RAPGEF6: variants seen among roughly 807,000 people sequenced by gnomAD.
RAPGEF6 encodes the protein PDZ domain containing guanine nucleotide exchange factor (GEF) 2.
In RAPGEF6, 56 loss-of-function variants were observed where a neutral mutation model predicts 171.4. The observed-to-expected ratio is 0.33, with a 90% CI of 0.26 to 0.41. The LOEUF (loss-of-function observed/expected upper bound fraction) is 0.41, where lower values mean the gene tolerates loss of function less well. Among genes scored for constraint, RAPGEF6 ranks in the 10% least tolerant of loss-of-function variants. The pLI is 1.00. For synonymous variants in RAPGEF6, 692 were observed against 650.1 expected, an observed-to-expected ratio of 1.06 and a Z score of -0.98; for missense variants, 1,674 against 1,921.4, an observed-to-expected ratio of 0.87 and a Z score of 2.41.
intron 7 of RAPGEF6, among the ~76,000 whole-genome samples, chr5:131,518,910 T>C (rs1194607567): frequency 6.6e-6 from 1 of 152,326 alleles, no homozygotes; most frequent in African/African-American, 2.4e-5. Flanking sequence ...AATTTATAAG[T>C]TTCATTGCAT....
intron 1 of RAPGEF6, among the ~76,000 whole-genome samples, chr5:131,609,674 G>A (rs559095404): frequency 6.6e-6 from 1 of 152,182 alleles, no homozygotes; most frequent in Admixed American, 6.5e-5. Context: ...CCAACCGTAT[G>A]AGTTCCTGAT....
intron 17 of RAPGEF6, among the ~76,000 whole-genome samples, chr5:131,464,957 G>A (rs1210723658): frequency 2.0e-5 from 3 of 151,976 alleles, no homozygotes; most frequent in Non-Finnish European, 4.4e-5. Flanking sequence ...CATTTCATAA[G>A]CCCTATTCTT....
At chr5:131,545,508 C>T (rs1241391125) in intron 6 of RAPGEF6, among the ~76,000 whole-genome samples, 1 of 152,052 alleles carries the variant, frequency 6.6e-6, no homozygotes, top group Non-Finnish European at 1.5e-5. Flanking sequence ...GAACAAAAGA[C>T]ATAAAGAACC....
intron 5 of RAPGEF6, 115 bp from the exon 6 acceptor site, chr5:131,548,305 C>T: frequency 9.6e-7 from 1 of 1,041,800 alleles, no homozygotes; most frequent in Non-Finnish European, 1.4e-6. Context: ...CAAGAAACTG[C>T]CTCAAGAAAA....
At chr5:131,573,326 T>C (rs1000244514) in intron 4 of RAPGEF6, among the ~76,000 whole-genome samples, 1 of 152,158 alleles carries the variant, frequency 6.6e-6, no homozygotes, top group Non-Finnish European at 1.5e-5. Context: ...GAAGGCATAG[T>C]CAGGGTACGT....
chr5:131,551,926 G>A (rs1034178558), intron 5 of RAPGEF6, among the ~76,000 whole-genome samples: 7 of 151,934 alleles, frequency 4.6e-5, no homozygotes, highest in Admixed American at 1.3e-4. Context: ...TAAAAACAAT[G>A]TAAGATTTAA....
chr5:131,608,637 A>G (rs1253674389), intron 1 of RAPGEF6, among the ~76,000 whole-genome samples: 1 of 152,220 alleles, frequency 6.6e-6, no homozygotes, highest in African/African-American at 2.4e-5. Flanking sequence ...GGTAGGACCT[A>G]GCAAGAGCTG....
chr5:131,433,841 C>T (rs1751862823), intron 24 of RAPGEF6, among the ~76,000 whole-genome samples, 183 bp from the exon 25 acceptor site: 2 of 152,010 alleles, frequency 1.3e-5, no homozygotes, highest in Non-Finnish European at 2.9e-5. Context: ...CCTACATAAC[C>T]ATTTGCCTAC....
chr5:131,546,518 C>T (rs189377209), intron 6 of RAPGEF6, among the ~76,000 whole-genome samples: 1 of 151,788 alleles, frequency 6.6e-6, no homozygotes, highest in African/African-American at 2.4e-5. Context: ...GCAGGAGAAG[C>T]GCGTGAACCC....
At chr5:131,480,408 T>C (rs1755392653) in intron 15 of RAPGEF6, among the ~76,000 whole-genome samples, 2 of 152,200 alleles carry the variant, frequency 1.3e-5, no homozygotes. Context: ...GTTCAGATTG[T>C]AAAATTTAGA....
chr5:131,562,998 A>G (rs1360536999), intron 4 of RAPGEF6, among the ~76,000 whole-genome samples: 1 of 152,182 alleles, frequency 6.6e-6, no homozygotes, highest in African/African-American at 2.4e-5. Context: ...CATATCAAAA[A>G]GAAAGCAACC....
In RAPGEF6 at chr5:131,596,653, A is replaced by G. The variant is rs550610169; in HGVS notation, c.198-4187T>C. ...TAAACAGACAACTGATTTTCAAAAA[A>G]GGTGCCAAAGACACTTAGAAAATGT... On this transcript the variant is annotated intron_variant, in intron 3 of 27. Transcript: ENST00000509018. 2.0e-3 allele frequency among the ~76,000 whole-genome samples: 299 copies of G among 152,306 alleles called. 2 individuals are homozygous for G. The highest frequency in any genetic ancestry group is 3.4e-3 in the Non-Finnish European group (228 of 68,018).
intron 4 of RAPGEF6, among the ~76,000 whole-genome samples, chr5:131,590,945 G>T (rs1439824495): frequency 1.3e-5 from 2 of 152,050 alleles, no homozygotes; most frequent in African/African-American, 4.8e-5. Flanking sequence ...TCATTAATGT[G>T]AGTTTCACAA....
intron 16 of RAPGEF6, among the ~76,000 whole-genome samples, chr5:131,475,295 A>T (rs1755023130): frequency 6.6e-6 from 1 of 152,206 alleles, no homozygotes; most frequent in African/African-American, 2.4e-5. Flanking sequence ...TTCTTACCAA[A>T]ACAGTCTCCT....
At chr5:131,481,573 T>C (rs555494976) in intron 15 of RAPGEF6, among the ~76,000 whole-genome samples, 33 of 152,202 alleles carry the variant, frequency 2.2e-4, no homozygotes, top group Non-Finnish European at 3.7e-4. Context: ...TGGTGAATTA[T>C]TTCATCCTTA....
chr5:131,515,749 G>C (rs992317613), intron 7 of RAPGEF6, among the ~76,000 whole-genome samples: 1 of 152,156 alleles, frequency 6.6e-6, no homozygotes, highest in African/African-American at 2.4e-5. Flanking sequence ...GGGTAGAAGA[G>C]CATGATTAAA....
chr5:131,515,371 A>G (rs1253920746), intron 7 of RAPGEF6, among the ~76,000 whole-genome samples: 1 of 152,206 alleles, frequency 6.6e-6, no homozygotes, highest in African/African-American at 2.4e-5. Context: ...AGGCAGGCAA[A>G]ATCAAGTCTC....
intron 2 of RAPGEF6, 62 bp downstream of exon 2, chr5:131,604,561 T>C: frequency 1.3e-6 from 2 of 1,558,670 alleles, no homozygotes; most frequent in South Asian, 1.2e-5. Flanking sequence ...TAACAAATAT[T>C]TGGTGAATAA....
chr5:131,579,074 G>A (rs371875627), intron 4 of RAPGEF6, among the ~76,000 whole-genome samples: 2 of 152,132 alleles, frequency 1.3e-5, no homozygotes, highest in East Asian at 3.9e-4. Flanking sequence ...CTTTCTTCTG[G>A]CGGGTTCGTG....
Sources: allele counts gnomAD v4.1 joint callset (sites outside exome capture counted in the v4.1 genomes callset), GRCh38; gene constraint gnomAD v4.1.1; transcripts MANE v1.5; gene names NCBI Gene and HGNC (gene_info 2026-07-23, HGNC 2026-07-21).